Variants in PIAS4 observed in about 807,000 individuals in gnomAD.
The protein encoded by PIAS4 is protein inhibitor of activated STAT 4, also known as E3 SUMO-protein ligase PIAS4.
A neutral mutation model predicts 58.0 loss-of-function variants in PIAS4; 7 were observed. The ratio of observed to expected loss-of-function variants is 0.12; its 90% CI spans 0.07 to 0.23. The LOEUF (loss-of-function observed/expected upper bound fraction) is 0.23. PIAS4 is among the 10% of genes least tolerant of loss of function. The pLI, the probability that PIAS4 is intolerant of heterozygous loss-of-function variation, is 1.00. For synonymous variants in PIAS4, 364 were observed against 312.4 expected (o/e 1.17, Z -1.74); for missense variants, 550 against 709.5 (o/e 0.78, Z 2.55).
intron 2 of PIAS4, among the ~76,000 whole-genome samples, chr19:4,021,228 C>CT (rs2040105811): frequency 6.6e-6 from 1 of 152,176 alleles, no homozygotes; most frequent in Non-Finnish European, 1.5e-5. Context: ...TCTCGGCTCA[C>CT]TGCAACCTCC....
chr19:4,033,034 C>G (rs569626135), intron 7 of PIAS4, 66 bp from the exon 8 acceptor site: 11 of 1,314,238 alleles, frequency 8.4e-6, no homozygotes, highest in South Asian at 8.3e-5. Context: ...GGAGAGAACT[C>G]GAATCACAGC....
chr19:4,037,684 G>C lies in PIAS4; in HGVS notation c.1342G>C (p.Gly448Arg). The C allele has an allele frequency of 6.2e-7, 1 of 1,612,008 alleles. No individual in the cohort carries two copies. The highest frequency in any genetic ancestry group is 8.5e-7 in the Non-Finnish European group (1 of 1,179,642). Residue 448 changes from glycine (G) to arginine (R), a missense_variant, in exon 11 of 11, where the codon GGT becomes CGT. Coordinates refer to ENST00000262971, the MANE Select transcript of PIAS4 (RefSeq NM_015897.4). This position sits in a 1 kb window ranked among gnomAD's most constrained non-coding sequence, Gnocchi z 5.8. ...CGGGAGCGGTGCCCTGGGCAGCACG[G>C]GTGGCGGCGGCCCGGTGGGCAGCAT... is the stretch of plus-strand genomic sequence containing the variant. ...VNGSGALGST[G>R]GGGPVGSMEN... is the part of the protein sequence containing the mutation.
chr19:4,012,411 G>T (rs149924497), intron 1 of PIAS4, among the ~76,000 whole-genome samples: 1 of 152,108 alleles, frequency 6.6e-6, no homozygotes, highest in Non-Finnish European at 1.5e-5. Flanking sequence ...TTCCCGGCAG[G>T]TGATTAGTAC....
chr19:4,015,255 C>T (rs2040040025), intron 2 of PIAS4, among the ~76,000 whole-genome samples: 1 of 152,212 alleles, frequency 6.6e-6, no homozygotes, highest in African/African-American at 2.4e-5. Context: ...GCTGGGCTTT[C>T]CTGGGAGCGG....
chr19:4,028,232 A>AC, intron 4 of PIAS4, 45 bp downstream of exon 4: 4 of 956,458 alleles, frequency 4.2e-6, no homozygotes, highest in Admixed American at 2.7e-5. Context: ...ACCCCCAGCC[A>AC]CCCGCCCCTC....
chr19:4,031,669 G>T (rs911818820), intron 7 of PIAS4, among the ~76,000 whole-genome samples: 2 of 152,154 alleles, frequency 1.3e-5, no homozygotes, highest in African/African-American at 4.8e-5. Flanking sequence ...CGCAGTGCTG[G>T]GGGCTGTGGG....
intron 3 of PIAS4, among the ~76,000 whole-genome samples, chr19:4,026,472 A>T (rs374655948): frequency 6.6e-6 from 1 of 151,582 alleles, no homozygotes; most frequent in Admixed American, 6.6e-5. Flanking sequence ...TTTGCATACC[A>T]TAGAATATAC....
At chr19:4,027,418 G>A (rs961281169) in intron 3 of PIAS4, among the ~76,000 whole-genome samples, 5 of 152,182 alleles carry the variant, frequency 3.3e-5, no homozygotes, top group Non-Finnish European at 5.9e-5. Flanking sequence ...TTCGGTCTAC[G>A]GAAGGACACT....
At chr19:4,035,830 TCA>T (rs1568221625) in intron 9 of PIAS4, among the ~76,000 whole-genome samples, 8 of 149,162 alleles carry the variant, frequency 5.4e-5, no homozygotes, top group South Asian at 2.1e-4. Flanking sequence ...GTCCACACCA[TCA>T]CACACACACC....
intron 2 of PIAS4, among the ~76,000 whole-genome samples, chr19:4,022,859 C>A (rs1299830185): frequency 6.6e-6 from 1 of 150,668 alleles, no homozygotes; most frequent in Non-Finnish European, 1.5e-5. Context: ...TTTGAGACAC[C>A]ACACCCTGCT....
At chr19:4,020,887 C>T (rs544652133) in intron 2 of PIAS4, among the ~76,000 whole-genome samples, 13 of 152,340 alleles carry the variant, frequency 8.5e-5, no homozygotes, top group African/African-American at 1.7e-4. Context: ...AGGCATGAGC[C>T]GCTGTGCCCA....
At chr19:4,029,498 G>A (rs2040201871) in intron 7 of PIAS4, among the ~76,000 whole-genome samples, 2 of 152,134 alleles carry the variant, frequency 1.3e-5, no homozygotes, top group Admixed American at 6.5e-5. Flanking sequence ...GAAGACGGGC[G>A]GCGGCGGTCT....
In PIAS4 at chr19:4,038,252, C is replaced by G. The variant is rs926182371; in HGVS notation, c.*377C>G. The G allele has an allele frequency of 4.8e-6, 1 of 210,026 alleles. No individual in the cohort carries two copies. Among genetic ancestry groups the G allele is most frequent in the African/African-American group, 2.4e-5 (1 of 41,838 alleles). 13.0% of individuals were successfully genotyped at this position (210,026 alleles called of 1,614,324 possible). On this transcript the variant is annotated 3_prime_UTR_variant, in exon 11 of 11. Coordinates refer to ENST00000262971, the MANE Select transcript of PIAS4 (RefSeq NM_015897.4). This position sits in a 1 kb window ranked among gnomAD's most constrained non-coding sequence, Gnocchi z 4.1. ...TGCCCCGCCGCCCGCCGCCCTCTGCCCACGACCATTCCAGCCAGTGCGCGG... is the reference window on the plus strand; with the variant it reads ...TGCCCCGCCGCCCGCCGCCCTCTGCGCACGACCATTCCAGCCAGTGCGCGG...
At chr19:4,009,170 C>CACGGTCCTGACCTGT (rs2039970033) in intron 1 of PIAS4, among the ~76,000 whole-genome samples, 2 of 152,118 alleles carry the variant, frequency 1.3e-5, no homozygotes, top group African/African-American at 4.8e-5. Context: ...CTTCCCTCCC[C>CACGGTCCTGACCTGT]ACGGTCCTGA....
chr19:4,037,595 C>A lies in PIAS4; in HGVS notation c.1274-21C>A, dbSNP rs759041535. 1 of 1,608,418 alleles carries A rather than the reference C, an allele frequency of 6.2e-7. No homozygotes were observed. ...AGTGGTTGCATCCTAAGTACCTGCA[C>A]CCTGTCCCTGTTGCCCGTAGGCCCC... is the stretch of plus-strand genomic sequence containing the variant. On this transcript the variant is annotated intron_variant, in intron 10 of 10. Transcript: ENST00000262971. The surrounding 1 kb of genome is among the most constrained non-coding windows in gnomAD (Gnocchi z 5.8).
At chr19:4,029,160 G>A in intron 7 of PIAS4, 124 bp downstream of exon 7, 1 of 686,378 alleles carries the variant, frequency 1.5e-6, no homozygotes. Flanking sequence ...TGTCACTCTG[G>A]GGGTCCATGG....
At chr19:4,017,533 C>T (rs1307772934) in intron 2 of PIAS4, among the ~76,000 whole-genome samples, 1 of 152,024 alleles carries the variant, frequency 6.6e-6, no homozygotes, top group African/African-American at 2.4e-5. Flanking sequence ...ATCTGGGGGA[C>T]CTGGGTTGGG....
chr19:4,035,680 C>G (rs1189687924), intron 9 of PIAS4, among the ~76,000 whole-genome samples: 1 of 147,926 alleles, frequency 6.8e-6, no homozygotes, highest in Non-Finnish European at 1.5e-5. Context: ...GGCGGGCACA[C>G]AGTGCAATGT....
chr19:4,035,902 CCACACCGTCTCACACA>C (rs2040272788), intron 9 of PIAS4, among the ~76,000 whole-genome samples: 1 of 107,676 alleles, frequency 9.3e-6, no homozygotes, highest in African/African-American at 3.5e-5. Context: ...TCCATACAGT[CCACACCGTCTCACACA>C]CACACCTGCA....
Sources: gnomAD v4.1 joint callset for allele counts (sites outside exome capture counted in the v4.1 genomes callset) on GRCh38, gnomAD v4.1.1 for gene constraint, Gnocchi (gnomAD v3.1) non-coding constraint, MANE v1.5 for transcripts, NCBI Gene and HGNC (gene_info 2026-07-23, HGNC 2026-07-21) for gene names.